ITGA8: variants seen among roughly 807,000 people sequenced by gnomAD.
ITGA8 encodes the protein integrin alpha-8.
In ITGA8, 91 loss-of-function variants were observed where a neutral mutation model predicts 142.3. The ratio of observed to expected loss-of-function variants is 0.64; its 90% CI spans 0.54 to 0.76. ITGA8 has a LOEUF of 0.76. Ranked by LOEUF, ITGA8 falls within the 30% of genes least tolerant of loss-of-function variation. The pLI, the probability that ITGA8 is intolerant of heterozygous loss-of-function variation, is 0.00. For missense variants in ITGA8, 1,406 were observed against 1,327.7 expected (o/e 1.06, Z -0.92); for synonymous variants, 505 against 485.2 (o/e 1.04, Z -0.54).
At chr10:15,703,418 A>G (rs1029428371) in intron 2 of ITGA8, among the ~76,000 whole-genome samples, 1 of 152,230 alleles carries the variant, frequency 6.6e-6, no homozygotes, top group African/African-American at 2.4e-5. Flanking sequence ...TGTTTTTCAC[A>G]TATAAATTGA....
intron 10 of ITGA8, among the ~76,000 whole-genome samples, chr10:15,656,238 A>G (rs1166746679): frequency 1.3e-5 from 2 of 152,158 alleles, no homozygotes; most frequent in Admixed American, 6.5e-5. Flanking sequence ...GAAGCATAAA[A>G]AGTTTTCATG....
intron 13 of ITGA8, among the ~76,000 whole-genome samples, chr10:15,625,925 T>C (rs536446001): frequency 6.7e-4 from 102 of 152,204 alleles, no homozygotes; most frequent in Non-Finnish European, 1.2e-3. Context: ...AGCTGGAAGA[T>C]TGCATGGGTG....
At chr10:15,597,755 C>T (rs1398469216) in intron 20 of ITGA8, among the ~76,000 whole-genome samples, 1 of 152,174 alleles carries the variant, frequency 6.6e-6, no homozygotes, top group African/African-American at 2.4e-5. Context: ...AATTTCTATA[C>T]ACCATGGTCC....
intron 13 of ITGA8, among the ~76,000 whole-genome samples, chr10:15,631,812 C>T (rs1833691339): frequency 6.6e-6 from 1 of 150,486 alleles, no homozygotes; most frequent in Admixed American, 6.6e-5. Context: ...AAAGCCATGG[C>T]TAAGCAGCAA....
chr10:15,631,176 G>C (rs970751173), intron 13 of ITGA8, among the ~76,000 whole-genome samples: 1 of 151,986 alleles, frequency 6.6e-6, no homozygotes. Context: ...CAAGGATCTA[G>C]AACCAGAAAT....
At chr10:15,598,598 T>C (rs1833047039) in intron 20 of ITGA8, among the ~76,000 whole-genome samples, 1 of 152,190 alleles carries the variant, frequency 6.6e-6, no homozygotes, top group African/African-American at 2.4e-5. Context: ...AGAGCAAACT[T>C]GGACACAAAG....
intron 2 of ITGA8, among the ~76,000 whole-genome samples, chr10:15,704,041 C>T (rs1835213879): frequency 6.6e-6 from 1 of 152,148 alleles, no homozygotes; most frequent in African/African-American, 2.4e-5. Flanking sequence ...ATAATGGTAA[C>T]CCCATTAACC....
At chr10:15,602,984 A>T (rs187079069) in intron 20 of ITGA8, among the ~76,000 whole-genome samples, 1 of 151,082 alleles carries the variant, frequency 6.6e-6, no homozygotes, top group African/African-American at 2.5e-5. Flanking sequence ...TGTGACTGAC[A>T]TACACAAAAC....
At position 15,516,616 on chromosome 10, in the gene ITGA8, A is replaced by G. The variant is rs2131527434; in HGVS notation, c.*542T>C. ...ACAAGATTATTTTTGTCCTTTCAAA[A>G]GTACTTTCACAGTACCAACAACATA... On this transcript the variant is annotated 3_prime_UTR_variant, in exon 30 of 30. Transcript: ENST00000378076. 1 of 152,362 alleles carries G rather than the reference A, an allele frequency of 6.6e-6. No homozygotes were observed. The allele number at this position is 152,362 out of a possible 1,614,324, so 9.4% of individuals were successfully genotyped here.
chr10:15,683,310 C>T (rs1431989105), intron 4 of ITGA8, among the ~76,000 whole-genome samples: 1 of 136,072 alleles, frequency 7.3e-6, no homozygotes, highest in Non-Finnish European at 1.6e-5. Flanking sequence ...TCCACCCACC[C>T]ACCCACCCAC....
intron 2 of ITGA8, among the ~76,000 whole-genome samples, chr10:15,695,639 T>G (rs146245733): frequency 0.011 from 1,695 of 152,306 alleles, 34 homozygotes; most frequent in African/African-American, 0.038. Context: ...CTCAGCACTG[T>G]GTTAGCCCTT....
intron 11 of ITGA8, among the ~76,000 whole-genome samples, chr10:15,650,043 C>G (rs1324316712): frequency 6.6e-6 from 1 of 152,142 alleles, no homozygotes; most frequent in Non-Finnish European, 1.5e-5. Context: ...AGATACTCTT[C>G]AATAGGTGAC....
At chr10:15,592,105 G>A (rs1438351406) in intron 22 of ITGA8, 120 bp downstream of exon 22, 6 of 596,876 alleles carry the variant, frequency 1.0e-5, no homozygotes, top group African/African-American at 5.6e-5. Context: ...GGCTGTGAAA[G>A]TCTGGGTTCT....
chr10:15,555,630 C>T (rs1206200115), intron 26 of ITGA8, among the ~76,000 whole-genome samples: 1 of 152,036 alleles, frequency 6.6e-6, no homozygotes, highest in Non-Finnish European at 1.5e-5. Flanking sequence ...AGGACTGTGA[C>T]TGCTGCCCCT....
intron 27 of ITGA8, among the ~76,000 whole-genome samples, chr10:15,539,904 G>A (rs372570381): frequency 2.0e-5 from 3 of 152,118 alleles, no homozygotes; most frequent in African/African-American, 7.2e-5. Context: ...ATCACAGGGT[G>A]ATTTCTCCCC....
chr10:15,657,928 G>C (rs531324451), intron 10 of ITGA8, among the ~76,000 whole-genome samples: 2 of 152,062 alleles, frequency 1.3e-5, no homozygotes, highest in East Asian at 3.9e-4. Context: ...AAATAGAGAT[G>C]CAATAGTTTA....
intron 6 of ITGA8, 26 bp downstream of exon 6, chr10:15,677,566 T>C: frequency 6.2e-7 from 1 of 1,604,192 alleles, no homozygotes; most frequent in African/African-American, 1.3e-5. Flanking sequence ...ACAAATGTGC[T>C]TTTCTTGTCT....
rs112752601 is a variant in ITGA8 at position 15,548,283 on chromosome 10, G to GT, written c.2880+171dup. ...ATTTTTCTATTTTTAGTAGAGATGGGTTTTTTACCATGTAGGCCAGGCTTG... is the reference window on the plus strand; with the variant it reads ...ATTTTTCTATTTTTAGTAGAGATGGGTTTTTTTACCATGTAGGCCAGGCTTG... On this transcript the variant is annotated intron_variant, in intron 27 of 29. Coordinates refer to ENST00000378076, the MANE Select transcript of ITGA8 (RefSeq NM_003638.3). Among the ~76,000 whole-genome samples the GT allele has an allele frequency of 5.9e-5, 9 of 152,124 alleles. 1 individual carries two copies. Among genetic ancestry groups the GT allele is most frequent in the African/African-American group, 2.2e-4 (9 of 41,484 alleles).
chr10:15,624,477 G>C (rs1033747209), intron 13 of ITGA8, among the ~76,000 whole-genome samples: 3 of 152,184 alleles, frequency 2.0e-5, no homozygotes, highest in Admixed American at 6.5e-5. Flanking sequence ...TTTGGACTCA[G>C]CTGTGTTCCT....
Sources: gnomAD v4.1 joint callset for allele counts (sites outside exome capture counted in the v4.1 genomes callset) on GRCh38, gnomAD v4.1.1 for gene constraint, MANE v1.5 for transcripts, NCBI Gene and HGNC (gene_info 2026-07-23, HGNC 2026-07-21) for gene names.